Variants in NRXN1 observed in about 807,000 individuals in gnomAD.
NRXN1 encodes neurexin 1.
Under a neutral mutation model 150.9 loss-of-function variants are expected in NRXN1, and 39 were observed. That is an observed-to-expected ratio of 0.26 (90% CI 0.20 to 0.34). The LOEUF (loss-of-function observed/expected upper bound fraction) is 0.34, where lower values mean the gene tolerates loss of function less well. Ranked by LOEUF, NRXN1 falls within the 10% of genes least tolerant of loss-of-function variation. NRXN1 has a pLI of 1.00. For synonymous variants in NRXN1, 924 were observed against 757.0 expected, an observed-to-expected ratio of 1.22 and a Z score of -3.62; for missense variants, 1,815 against 1,949.9, an observed-to-expected ratio of 0.93 and a Z score of 1.30.
intron 2 of NRXN1, among the ~76,000 whole-genome samples, chr2:51,024,494 G>C (rs1346715250): frequency 6.6e-6 from 1 of 152,058 alleles, no homozygotes; most frequent in Non-Finnish European, 1.5e-5. Context: ...CCCAGGTTCT[G>C]CCACTAACCT....
rs181178035 is a variant in NRXN1 at position 50,317,285 on chromosome 2, T to C, written c.3365-80315A>G. On this transcript the variant is annotated intron_variant, in intron 17 of 22. Transcript: ENST00000401669. ...AAGCCCAGTGAATCCAAAGCAAGAA[T>C]AATAAAAAGAAACCCTTACCAAGAC... 4.2e-3 allele frequency among the ~76,000 whole-genome samples: 631 copies of C among 151,614 alleles called. 2 individuals are homozygous for C. Among genetic ancestry groups the C allele is most frequent in the African/African-American group, 0.015 (612 of 41,378 alleles).
chr2:50,357,373 A>G (rs1251088440), intron 17 of NRXN1, among the ~76,000 whole-genome samples: 2 of 151,882 alleles, frequency 1.3e-5, no homozygotes, highest in Non-Finnish European at 2.9e-5. Flanking sequence ...CAATGGGGCA[A>G]TCTCAGCTCA....
At chr2:50,736,949 T>C (rs1459340834) in intron 5 of NRXN1, among the ~76,000 whole-genome samples, 2 of 152,150 alleles carry the variant, frequency 1.3e-5, no homozygotes, top group African/African-American at 2.4e-5. Context: ...ATTATAGTGG[T>C]ATCTTGAATT....
At chr2:50,263,961 G>A (rs551906715) in intron 17 of NRXN1, among the ~76,000 whole-genome samples, 26 of 152,210 alleles carry the variant, frequency 1.7e-4, no homozygotes, top group African/African-American at 5.3e-4. Flanking sequence ...GCCTGTTACT[G>A]CTTTCATCAT....
chr2:50,274,992 T>G (rs2070250257), intron 17 of NRXN1, among the ~76,000 whole-genome samples: 1 of 152,174 alleles, frequency 6.6e-6, no homozygotes, highest in Non-Finnish European at 1.5e-5. Context: ...CTTCATATGT[T>G]TTGAATGACA....
chr2:50,260,628 CG>C (rs1379196511), intron 17 of NRXN1, among the ~76,000 whole-genome samples: 126 of 107,918 alleles, frequency 1.2e-3, no homozygotes, highest in African/African-American at 4.4e-3. Flanking sequence ...TTTTTTTTTC[CG>C]TTTTTTTTTT....
chr2:49,967,775 T>A (rs2152491425), intron 21 of NRXN1, among the ~76,000 whole-genome samples: 1 of 152,194 alleles, frequency 6.6e-6, no homozygotes, highest in African/African-American at 2.4e-5. Flanking sequence ...TTACTGGCTA[T>A]GTGGAAAACT....
At chr2:50,190,678 T>C (rs2061388400) in intron 18 of NRXN1, among the ~76,000 whole-genome samples, 1 of 150,446 alleles carries the variant, frequency 6.6e-6, no homozygotes, top group South Asian at 2.1e-4. Context: ...AATGGCGTGA[T>C]CTTGGCTCAT....
chr2:50,785,243 C>CTTTTTTTTTTTTTTTTTTTTT, intron 5 of NRXN1, among the ~76,000 whole-genome samples: 1 of 106,066 alleles, frequency 9.4e-6, no homozygotes, highest in Non-Finnish European at 1.9e-5. Context: ...AGAAAATACA[C>CTTTTTTTTTTTTTTTTTTTTT]TTTTTTTTTT....
chr2:50,868,862 C>G (rs1475550928), intron 5 of NRXN1, among the ~76,000 whole-genome samples: 1 of 151,714 alleles, frequency 6.6e-6, no homozygotes, highest in Non-Finnish European at 1.5e-5. Context: ...GTAGGATTAC[C>G]TTAACATTCA....
At chr2:50,077,878 T>C (rs923847961) in intron 19 of NRXN1, among the ~76,000 whole-genome samples, 1 of 152,032 alleles carries the variant, frequency 6.6e-6, no homozygotes, top group East Asian at 1.9e-4. Context: ...ATACTTAACA[T>C]GAGGAAAGTC....
chr2:49,926,483 T>C (rs1558516719), intron 22 of NRXN1: 1 of 397,082 alleles, frequency 2.5e-6, no homozygotes, highest in Non-Finnish European at 4.4e-6. Context: ...TATCAAATGT[T>C]TGGACAGTTA....
At chr2:50,788,778 A>G (rs1705517540) in intron 5 of NRXN1, among the ~76,000 whole-genome samples, 1 of 151,750 alleles carries the variant, frequency 6.6e-6, no homozygotes, top group Non-Finnish European at 1.5e-5. Flanking sequence ...AAAACTGAAT[A>G]AAGCATATCC....
At chr2:50,788,803 A>T (rs1705520969) in intron 5 of NRXN1, among the ~76,000 whole-genome samples, 1 of 152,206 alleles carries the variant, frequency 6.6e-6, no homozygotes, top group African/African-American at 2.4e-5. Flanking sequence ...CTATAAGGAG[A>T]TTACAATGTC....
chr2:50,155,092 T>C (rs1286550891), intron 18 of NRXN1, among the ~76,000 whole-genome samples: 1 of 151,692 alleles, frequency 6.6e-6, no homozygotes, highest in Non-Finnish European at 1.5e-5. Context: ...CTATTTAAGT[T>C]GATTACTCCG....
intron 5 of NRXN1, among the ~76,000 whole-genome samples, chr2:50,904,600 G>C (rs139033324): frequency 2.0e-5 from 3 of 152,142 alleles, no homozygotes; most frequent in Non-Finnish European, 4.4e-5. Context: ...TTAACTTTAC[G>C]CAAAACACTT....
At chr2:50,829,608 T>A in intron 5 of NRXN1, 1 of 1,611,992 alleles carries the variant, frequency 6.2e-7, no homozygotes. Flanking sequence ...GAGCCTTGAA[T>A]ATTTCACTTT....
At chr2:50,291,787 T>C (rs1000844619) in intron 17 of NRXN1, among the ~76,000 whole-genome samples, 6 of 152,136 alleles carry the variant, frequency 3.9e-5, no homozygotes, top group Admixed American at 1.3e-4. Context: ...GAGCAATAAA[T>C]TCTAGCACCC....
At chr2:50,945,423 C>T (rs1250004512) in intron 2 of NRXN1, among the ~76,000 whole-genome samples, 1 of 151,822 alleles carries the variant, frequency 6.6e-6, no homozygotes, top group Non-Finnish European at 1.5e-5. Flanking sequence ...GAGATCGTGC[C>T]AGTGATTTCC....
Sources: gnomAD v4.1 joint callset for allele counts (sites outside exome capture counted in the v4.1 genomes callset) on GRCh38, gnomAD v4.1.1 for gene constraint, MANE v1.5 for transcripts, NCBI Gene and HGNC (gene_info 2026-07-23, HGNC 2026-07-21) for gene names.